KCNMB2: variants seen among roughly 807,000 people sequenced by gnomAD.
KCNMB2 encodes the protein potassium calcium-activated channel subfamily M regulatory beta subunit 2.
Under a neutral mutation model 24.5 loss-of-function variants are expected in KCNMB2, and 9 were observed. The ratio of observed to expected loss-of-function variants is 0.37; its 90% CI spans 0.22 to 0.64. The LOEUF (loss-of-function observed/expected upper bound fraction) is 0.64. KCNMB2 is among the 30% of genes least tolerant of loss of function. The probability of loss-of-function intolerance (pLI) is 0.63; values close to 1 mark genes in which losing one functional copy is unlikely to be tolerated. For missense variants in KCNMB2, 226 were observed against 284.3 expected (o/e 0.79, Z 1.47); for synonymous variants, 109 against 104.4 (o/e 1.04, Z -0.27).
chr3:178,667,515 C>T (rs893174113), intron 1 of KCNMB2, among the ~76,000 whole-genome samples: 1 of 152,260 alleles, frequency 6.6e-6, no homozygotes, highest in South Asian at 2.1e-4. Flanking sequence ...CCAGCCTCTA[C>T]AACCGTGAGA....
chr3:178,593,577 G>C (rs73054319), intron 1 of KCNMB2, among the ~76,000 whole-genome samples: 1,932 of 151,942 alleles, frequency 0.013, 49 homozygotes, highest in African/African-American at 0.043. Context: ...TGGTGACAAA[G>C]TTTTATTCTA....
intron 1 of KCNMB2, among the ~76,000 whole-genome samples, chr3:178,710,460 G>A (rs1000730280): frequency 6.6e-6 from 1 of 152,176 alleles, no homozygotes; most frequent in Non-Finnish European, 1.5e-5. Flanking sequence ...CTTATTCCAA[G>A]CCTCAGACCT....
At chr3:178,602,061 G>A (rs1445588899) in intron 1 of KCNMB2, among the ~76,000 whole-genome samples, 1 of 152,170 alleles carries the variant, frequency 6.6e-6, no homozygotes, top group African/African-American at 2.4e-5. Flanking sequence ...CATGATAGAG[G>A]AGAGAGGTAT....
chr3:178,746,448 G>A (rs1723671461), intron 1 of KCNMB2, among the ~76,000 whole-genome samples: 1 of 152,084 alleles, frequency 6.6e-6, no homozygotes, highest in Non-Finnish European at 1.5e-5. Context: ...TGACAAAAGG[G>A]GCTGCTGTGA....
At chr3:178,675,505 C>T (rs1049746812) in intron 1 of KCNMB2, among the ~76,000 whole-genome samples, 77 of 151,968 alleles carry the variant, frequency 5.1e-4, no homozygotes, top group African/African-American at 1.7e-3. Flanking sequence ...GGACTCAGGG[C>T]AAAACCTGAT....
chr3:178,758,509 T>TAC (rs199536444), intron 1 of KCNMB2, among the ~76,000 whole-genome samples: 5,952 of 32,740 alleles, frequency 0.18, 1,334 homozygotes, highest in African/African-American at 0.38. Context: ...TATATATATA[T>TAC]ATCTCCAAGA....
intron 1 of KCNMB2, among the ~76,000 whole-genome samples, chr3:178,755,257 A>G (rs183272282): frequency 1.5e-3 from 231 of 152,338 alleles, no homozygotes; most frequent in African/African-American, 5.1e-3. Flanking sequence ...AAAAGGCTTC[A>G]AGATAGCCAA....
chr3:178,547,260 G>A (rs975050020), intron 1 of KCNMB2, among the ~76,000 whole-genome samples: 2 of 152,136 alleles, frequency 1.3e-5, no homozygotes, highest in Non-Finnish European at 2.9e-5. Context: ...CTCCAGGTGT[G>A]TAAGAAATAA....
At chr3:178,589,420 A>G (rs1024311486) in intron 1 of KCNMB2, among the ~76,000 whole-genome samples, 2 of 151,918 alleles carry the variant, frequency 1.3e-5, no homozygotes, top group Admixed American at 1.3e-4. Flanking sequence ...GATCACAGGG[A>G]CTCACACCAT....
chr3:178,617,590 A>G (rs978995103), intron 1 of KCNMB2, among the ~76,000 whole-genome samples: 2 of 151,168 alleles, frequency 1.3e-5, no homozygotes, highest in Non-Finnish European at 2.9e-5. Flanking sequence ...AAATAACACA[A>G]AAGAAAACCC....
intron 2 of KCNMB2, among the ~76,000 whole-genome samples, chr3:178,811,179 T>A (rs753226201): frequency 6.6e-6 from 1 of 152,210 alleles, no homozygotes; most frequent in Non-Finnish European, 1.5e-5. Context: ...TTTTTAAATA[T>A]TGAAGTGATA....
chr3:178,553,764 T>G (rs894921314), intron 1 of KCNMB2, among the ~76,000 whole-genome samples: 1 of 152,102 alleles, frequency 6.6e-6, no homozygotes, highest in Non-Finnish European at 1.5e-5. Flanking sequence ...GTTCTCAAAC[T>G]CCCAACCTCA....
intron 1 of KCNMB2, among the ~76,000 whole-genome samples, chr3:178,648,973 T>C (rs1029116727): frequency 3.9e-5 from 6 of 152,344 alleles, no homozygotes; most frequent in South Asian, 2.1e-4. Flanking sequence ...GTTGCTTATA[T>C]CTTAATGTCA....
intron 1 of KCNMB2, among the ~76,000 whole-genome samples, chr3:178,758,189 G>GAT (rs367970683): frequency 0.03 from 273 of 9,030 alleles, 10 homozygotes; most frequent in East Asian, 0.07. Context: ...TATCCAAGGG[G>GAT]ATATATATAT....
At chr3:178,559,945 A>T (rs1280202113) in intron 1 of KCNMB2, among the ~76,000 whole-genome samples, 1 of 147,690 alleles carries the variant, frequency 6.8e-6, no homozygotes, top group Non-Finnish European at 1.5e-5. Context: ...TAAAATATAT[A>T]ATACAAATAT....
At chr3:178,668,743 G>A (rs745929072) in intron 1 of KCNMB2, among the ~76,000 whole-genome samples, 1 of 152,068 alleles carries the variant, frequency 6.6e-6, no homozygotes, top group Non-Finnish European at 1.5e-5. Flanking sequence ...CCATTCATCA[G>A]CACCAAAAAT....
At chr3:178,674,431 G>T (rs1014426282) in intron 1 of KCNMB2, among the ~76,000 whole-genome samples, 1 of 152,004 alleles carries the variant, frequency 6.6e-6, no homozygotes, top group African/African-American at 2.4e-5. Context: ...TGGTAACTTA[G>T]TTGCTCAAGA....
At chr3:178,564,227 G>A (rs1175207047) in intron 1 of KCNMB2, among the ~76,000 whole-genome samples, 5 of 151,834 alleles carry the variant, frequency 3.3e-5, no homozygotes, top group East Asian at 1.9e-4. Context: ...GCAGTGAGTC[G>A]AGGTCGTGCC....
intron 2 of KCNMB2, among the ~76,000 whole-genome samples, chr3:178,817,449 T>C (rs1714454491): frequency 6.6e-6 from 1 of 152,066 alleles, no homozygotes; most frequent in African/African-American, 2.4e-5. Flanking sequence ...GAGGCTGTGG[T>C]GGACAGAAGG....
Sources: allele counts gnomAD v4.1 joint callset (sites outside exome capture counted in the v4.1 genomes callset), GRCh38; gene constraint gnomAD v4.1.1; transcripts MANE v1.5; gene names NCBI Gene and HGNC (gene_info 2026-07-23, HGNC 2026-07-21).